TIMM44: variants seen among roughly 807,000 people sequenced by gnomAD.
TIMM44 encodes the protein mitochondrial import inner membrane translocase subunit TIM44.
A neutral mutation model predicts 63.8 loss-of-function variants in TIMM44; 37 were observed. That is an observed-to-expected ratio of 0.58 (90% CI 0.45 to 0.76). The LOEUF is 0.76. Among genes scored for constraint, TIMM44 ranks in the 30% least tolerant of loss-of-function variants. The pLI, the probability that TIMM44 is intolerant of heterozygous loss-of-function variation, is 0.00. For missense variants in TIMM44, 573 were observed against 603.8 expected, an observed-to-expected ratio of 0.95 and a Z score of 0.54; for synonymous variants, 239 against 245.1, an observed-to-expected ratio of 0.98 and a Z score of 0.23.
chr19:7,941,211 G>A lies in TIMM44; in HGVS notation c.46-14C>T, dbSNP rs1289857129. ...GCCGAGGCATCTCTAATTGGGGGGAGAGAAGAGAAAGATCCATTCTAACAA... is the reference window on the plus strand; with the variant it reads ...GCCGAGGCATCTCTAATTGGGGGGAAAGAAGAGAAAGATCCATTCTAACAA... On this transcript the variant is annotated splice_polypyrimidine_tract_variant and intron_variant, in intron 1 of 12. Coordinates refer to ENST00000270538, the MANE Select transcript of TIMM44 (RefSeq NM_006351.4). 1.9e-6 allele frequency: 3 copies of A among 1,596,272 alleles called. No homozygotes were observed. Among genetic ancestry groups the A allele is most frequent in the South Asian group, 1.1e-5 (1 of 90,690 alleles).
chr19:7,935,000 C>T lies in TIMM44; in HGVS notation c.393+65G>A, dbSNP rs1333464705. On this transcript the variant is annotated intron_variant, in intron 4 of 12. Coordinates refer to ENST00000270538, the MANE Select transcript of TIMM44 (RefSeq NM_006351.4). The surrounding 1 kb of genome is among the most constrained non-coding windows in gnomAD (Gnocchi z 5.3). ...CCCCACCCAGGAGCCGACTCTTCCT[C>T]CAGCCTCCAGCGGCCAGGGGACTTT... 4 of 1,485,878 alleles carry T rather than the reference C, an allele frequency of 2.7e-6. No individual in the cohort carries two copies. Among genetic ancestry groups the T allele is most frequent in the Non-Finnish European group, 3.7e-6 (4 of 1,080,770 alleles). 92.0% of individuals were successfully genotyped at this position (1,485,878 alleles called of 1,614,324 possible).
At position 7,927,739 on chromosome 19, in the gene TIMM44, C is replaced by G; in HGVS notation, c.1157G>C (p.Gly386Ala). 6.2e-7 allele frequency: 1 copy of G among 1,612,606 alleles called. No individual in the cohort carries two copies. The highest frequency in any genetic ancestry group is 8.5e-7 in the Non-Finnish European group (1 of 1,180,018). The change falls in exon 12 of 13, where the codon GGG becomes GCG. Residue 386 changes from glycine (G) to alanine (A), a missense_variant. Coordinates refer to ENST00000270538, the MANE Select transcript of TIMM44 (RefSeq NM_006351.4). The stretch of plus-strand genomic sequence containing the variant: ...CTGGAAGGTGATGATCAGCACCGGC[C>G]CCTGCTCCATCATCTTGCCCATGGC... ...DLAMGKMMEQGPVLIITFQAQ... is the reference protein window; with the variant it reads ...DLAMGKMMEQAPVLIITFQAQ...
At chr19:7,937,851 C>A (rs985241610) in intron 3 of TIMM44, 176 bp downstream of exon 3, 7 of 715,772 alleles carry the variant, frequency 9.8e-6, no homozygotes, top group Middle Eastern at 4.1e-4. Context: ...AACCTCTTCA[C>A]TACTAAAAAT....
At chr19:7,928,590 G>A (rs1043268156) in intron 10 of TIMM44, 5 of 170,738 alleles carry the variant, frequency 2.9e-5, no homozygotes, top group Admixed American at 1.8e-4. Context: ...CCAGCCCCCA[G>A]TGTCACCCTC....
chr19:7,932,777 G>C (rs373498872), intron 8 of TIMM44, 26 bp from the exon 9 acceptor site: 5 of 1,613,570 alleles, frequency 3.1e-6, no homozygotes, highest in Non-Finnish European at 3.4e-6. Context: ...CCGGGAGTTC[G>C]GGGGGAAGGC....
rs186572490 is a variant in TIMM44 at position 7,939,213 on chromosome 19, T to C, written c.142-1016A>G. On this transcript the variant is annotated intron_variant, in intron 2 of 12. Transcript: ENST00000270538. The stretch of plus-strand genomic sequence containing the variant: ...CCACACTAATGCAGGACGTGAAGAA[T>C]AGAAAACTGTGTGCCAGATGGGAGA... Among the ~76,000 whole-genome samples the C allele has an allele frequency of 6.6e-5, 10 of 152,268 alleles. No individual in the cohort carries two copies. The East Asian group carries it at 1.7e-3, about 26-fold the overall frequency.
chr19:7,933,635 C>T lies in TIMM44; in HGVS notation c.684-65G>A. The T allele has an allele frequency of 6.8e-7, 1 of 1,472,614 alleles. No homozygotes were observed. Among genetic ancestry groups the T allele is most frequent in the Non-Finnish European group, 9.5e-7 (1 of 1,052,196 alleles). 91.2% of individuals were successfully genotyped at this position (1,472,614 alleles called of 1,614,324 possible). A position where few individuals can be genotyped will look rare whatever the true frequency, so the allele number is the denominator to read the frequency against. On this transcript the variant is annotated intron_variant, in intron 6 of 12. Transcript: ENST00000270538. This position sits in a 1 kb window ranked among gnomAD's most constrained non-coding sequence, Gnocchi z 4.3. ...AGGGCCACCCTGTGCCCTCCTGCGG[C>T]TGCAGGCAGGGGGCAGTACAGGACA...
chr19:7,932,538 T>TA lies in TIMM44; in HGVS notation c.987+88_987+89insT, dbSNP rs1456604517. On this transcript the variant is annotated intron_variant, in intron 9 of 12. Coordinates refer to ENST00000270538, the MANE Select transcript of TIMM44 (RefSeq NM_006351.4). ...AAACAGCCTCGGCAGCAGAGTTCCC[T>TA]GGCAGCACCCAGGGTGCCGGCTGCG... The TA allele has an allele frequency of 7.0e-6, 11 of 1,570,996 alleles. No individual in the cohort carries two copies. The African/African-American group carries it at 1.5e-4, about 21-fold the overall frequency.
In TIMM44 at chr19:7,927,214, C is replaced by T. The variant is rs771330142; in HGVS notation, c.1332G>A (p.Ser444=). ...AGAGAATCTGCTCGGTGCTGGAGGC[C>T]GAGATGTCCAGGAGCCGCCAGGCCG... is the stretch of plus-strand genomic sequence containing the variant. ...PYAAWRLLDI[S]ASSTEQIL Residue 444 remains serine (S), a synonymous_variant, in exon 13 of 13, where the codon TCG becomes TCA. Coordinates refer to ENST00000270538, the MANE Select transcript of TIMM44 (RefSeq NM_006351.4). 10 of 1,611,062 alleles carry T rather than the reference C, an allele frequency of 6.2e-6. No homozygotes were observed. The highest frequency in any genetic ancestry group is 5.0e-5 in the Admixed American group (3 of 59,992).
Position 7,938,109 on chromosome 19 carries a change from ATTTC to A in TIMM44, c.226_229del (p.Glu76Ter). 6.2e-7 allele frequency: 1 copy of A among 1,613,692 alleles called. No homozygotes were observed. The highest frequency in any genetic ancestry group is 8.5e-7 in the Non-Finnish European group (1 of 1,179,948). ...ACGGAATTTTTTTATACTTTCTTTC[ATTTC>A]TTTGTTTTTGGCTAATTCTTGTTTG... is the stretch of plus-strand genomic sequence containing the variant. On this transcript the variant is annotated frameshift_variant, in exon 3 of 13. Coordinates refer to ENST00000270538, the MANE Select transcript of TIMM44 (RefSeq NM_006351.4). LOFTEE classifies it high-confidence loss of function.
chr19:7,936,778 G>A (rs1210432033), intron 3 of TIMM44, among the ~76,000 whole-genome samples: 4 of 152,162 alleles, frequency 2.6e-5, no homozygotes, highest in Non-Finnish European at 5.9e-5. Context: ...GACCAGCCTG[G>A]CCAACATGGT....
Position 7,934,241 on chromosome 19 carries a change from A to T in TIMM44, c.394-3T>A. 1 of 1,611,242 alleles carries T rather than the reference A, an allele frequency of 6.2e-7. No homozygotes were observed. Among genetic ancestry groups the T allele is most frequent in the Non-Finnish European group, 8.5e-7 (1 of 1,179,926 alleles). On this transcript the variant is annotated splice_region_variant and splice_polypyrimidine_tract_variant and intron_variant, in intron 4 of 12. Transcript: ENST00000270538. This position sits in a 1 kb window ranked among gnomAD's most constrained non-coding sequence, Gnocchi z 5.3. ...CTTTTACTGACTTCGTGAAGGCTCT[A>T]CTGAGACAGACACAGAGAGGGGGCG...
chr19:7,927,761 T>C lies in TIMM44; in HGVS notation c.1135A>G (p.Met379Val). Residue 379 changes from methionine (M) to valine (V), a missense_variant, in exon 12 of 13, where the codon ATG becomes GTG. Physicochemically the swap from Met to Val is conservative, Grantham distance 21. Coordinates refer to ENST00000270538, the MANE Select transcript of TIMM44 (RefSeq NM_006351.4). ...ILDIDNVDLA[M>V]GKMMEQGPVL... ...GGCCCCTGCTCCATCATCTTGCCCA[T>C]GGCCAGCTGCAGAGGGGCCGAGAGG... 2.5e-6 allele frequency: 4 copies of C among 1,611,328 alleles called. No homozygotes were observed. Among genetic ancestry groups the C allele is most frequent in the African/African-American group, 1.3e-5 (1 of 75,062 alleles).
intron 10 of TIMM44, among the ~76,000 whole-genome samples, chr19:7,929,475 G>A (rs1033008166): frequency 2.0e-5 from 3 of 152,314 alleles, no homozygotes; most frequent in South Asian, 4.1e-4. Context: ...CATAGGTGGC[G>A]GCCCCGGGTC....
rs1797788354 is a variant in TIMM44 at position 7,934,124 on chromosome 19, G to C, written c.508C>G (p.Leu170Val). The C allele has an allele frequency of 6.2e-7, 1 of 1,613,360 alleles. No individual in the cohort carries two copies. The highest frequency in any genetic ancestry group is 1.3e-5 in the African/African-American group (1 of 75,058). Residue 170 changes from leucine to valine, a missense_variant, in exon 5 of 13, where the codon CTG becomes GTG. Leu to Val is a conservative substitution (Grantham distance 32, BLOSUM62 1). Transcript: ENST00000270538. The surrounding 1 kb of genome is among the most constrained non-coding windows in gnomAD (Gnocchi z 5.3). ...AESVSKGGEK[L>V]GRTAAFRALS... Reference sequence around the variant, plus strand: ...GCTCTGAAGGCCGCTGTCCTGCCCAGCTTCTCCCCGCCTTTGGATACCGAC... The same window carrying C: ...GCTCTGAAGGCCGCTGTCCTGCCCACCTTCTCCCCGCCTTTGGATACCGAC...
intron 11 of TIMM44, 67 bp from the exon 12 acceptor site, chr19:7,927,834 C>G: frequency 6.6e-7 from 1 of 1,513,576 alleles, no homozygotes; most frequent in Non-Finnish European, 9.1e-7. Flanking sequence ...GGAGGTGAAA[C>G]CCCTGCGCCT....
At chr19:7,927,400 G>C (rs113647007) in intron 12 of TIMM44, 94 bp from the exon 13 acceptor site, 14 of 1,477,728 alleles carry the variant, frequency 9.5e-6, no homozygotes, top group Non-Finnish European at 1.2e-5. Context: ...AGGAGCCACC[G>C]GCAACTTCCC....
Position 7,932,683 on chromosome 19 carries a change from CA to C in TIMM44, c.930del (p.Phe310LeufsTer7). ...LTEILRVDPAFDKDRFLKQCE... is the reference protein window; with the variant it reads ...LTEILRVDPAXDKDRFLKQCE... ...CACTGTTTCAGAAACCGGTCCTTGT[CA>C]AAGGCCGGGTCCACCCGGAGGATCT... On this transcript the variant is annotated frameshift_variant, in exon 9 of 13. Transcript: ENST00000270538. LOFTEE classifies it high-confidence loss of function. 6.2e-7 allele frequency: 1 copy of C among 1,614,162 alleles called. No individual in the cohort carries two copies. Among genetic ancestry groups the C allele is most frequent in the African/African-American group, 1.3e-5 (1 of 75,068 alleles).
At chr19:7,927,585 G>C in intron 12 of TIMM44, 72 bp downstream of exon 12, 1 of 1,455,958 alleles carries the variant, frequency 6.9e-7, no homozygotes, top group Non-Finnish European at 9.6e-7. Flanking sequence ...TGGGGTCTCT[G>C]CCAGGTGGCC....
Sources: gnomAD v4.1 joint callset for allele counts (sites outside exome capture counted in the v4.1 genomes callset) on GRCh38, gnomAD v4.1.1 for gene constraint, Gnocchi (gnomAD v3.1) non-coding constraint, MANE v1.5 for transcripts, NCBI Gene and HGNC (gene_info 2026-07-23, HGNC 2026-07-21) for gene names.